Variants in ANP32E observed in about 807,000 individuals in gnomAD.
The protein encoded by ANP32E is acidic leucine-rich nuclear phosphoprotein 32 family member E.
A neutral mutation model predicts 35.3 loss-of-function variants in ANP32E; 14 were observed. The observed-to-expected ratio is 0.40, with a 90% CI of 0.26 to 0.62. The LOEUF (loss-of-function observed/expected upper bound fraction) is 0.62. Ranked by LOEUF, ANP32E falls within the 20% of genes least tolerant of loss-of-function variation. The probability of loss-of-function intolerance (pLI) is 0.45; values close to 1 mark genes in which losing one functional copy is unlikely to be tolerated. For missense variants in ANP32E, 198 were observed against 304.4 expected, an observed-to-expected ratio of 0.65 and a Z score of 2.60; for synonymous variants, 89 against 110.4, an observed-to-expected ratio of 0.81 and a Z score of 1.22.
chr1:150,223,702 C>A (rs1177713640), intron 5 of ANP32E, among the ~76,000 whole-genome samples: 3 of 18,066 alleles, frequency 1.7e-4, no homozygotes, highest in African/African-American at 4.0e-4. Flanking sequence ...AAAAAAAAAA[C>A]CTAAACTAAA....
rs1430281903 is a variant in ANP32E at position 150,218,714 on chromosome 1, C to T, written c.*1977G>A. On this transcript the variant is annotated 3_prime_UTR_variant, in exon 7 of 7. Transcript: ENST00000583931. The stretch of plus-strand genomic sequence containing the variant: ...GAAAACTTCTACAAAATATAAAACC[C>T]ACCCTTACTTATTTGCATGAAAATA... 1.3e-5 allele frequency: 2 copies of T among 152,526 alleles called. No individual in the cohort carries two copies. Among genetic ancestry groups the T allele is most frequent in the Non-Finnish European group, 2.9e-5 (2 of 67,986 alleles). 9.4% of individuals were successfully genotyped at this position (152,526 alleles called of 1,614,324 possible).
chr1:150,226,849 G>A lies in ANP32E; in HGVS notation c.494-54C>T, dbSNP rs1358352928. The A allele has an allele frequency of 1.4e-5, 21 of 1,544,038 alleles. No individual in the cohort carries two copies. The Admixed American group carries it at 4.2e-4, about 31-fold the overall frequency. On this transcript the variant is annotated intron_variant, in intron 4 of 6. Transcript: ENST00000583931. ...ATGACTGGGTAAATGTTTCTTCCTAGGATGTTGATGCTTTTTACCCTTGCC... is the reference window on the plus strand; with the variant it reads ...ATGACTGGGTAAATGTTTCTTCCTAAGATGTTGATGCTTTTTACCCTTGCC...
intron 6 of ANP32E, among the ~76,000 whole-genome samples, chr1:150,221,091 G>A (rs1460348926): frequency 1.8e-5 from 2 of 112,086 alleles, no homozygotes; most frequent in African/African-American, 3.5e-5. Context: ...CTCCAGCCTG[G>A]GCAACCGAGC....
intron 5 of ANP32E, among the ~76,000 whole-genome samples, chr1:150,223,747 A>ATT (rs1437789867): frequency 8.6e-6 from 1 of 116,300 alleles, no homozygotes; most frequent in African/African-American, 3.2e-5. Context: ...CTTTTTATTT[A>ATT]TTTATTTTTT....
intron 1 of ANP32E, among the ~76,000 whole-genome samples, 157 bp from the exon 2 acceptor site, chr1:150,232,083 G>A (rs1553841891): frequency 6.6e-6 from 1 of 152,066 alleles, no homozygotes; most frequent in African/African-American, 2.4e-5. Flanking sequence ...GGTGGCTCAC[G>A]CCTGTAATCC....
At chr1:150,230,329 AT>A (rs1279243597) in intron 3 of ANP32E, among the ~76,000 whole-genome samples, 2 of 152,166 alleles carry the variant, frequency 1.3e-5, no homozygotes, top group African/African-American at 4.8e-5. Flanking sequence ...TTAAAAAAAA[AT>A]ACTGGAAATG....
chr1:150,234,787 G>T, intron 1 of ANP32E: 1 of 514,182 alleles, frequency 1.9e-6, no homozygotes, highest in Non-Finnish European at 2.5e-6. Context: ...GAAGGCAACC[G>T]CGAAAAGGAG....
At chr1:150,225,397 C>T (rs1485403149) in intron 5 of ANP32E, among the ~76,000 whole-genome samples, 2 of 151,960 alleles carry the variant, frequency 1.3e-5, no homozygotes, top group African/African-American at 4.8e-5. Context: ...GGGCCGGGCA[C>T]AGTGGCTCAC....
At position 150,236,051 on chromosome 1, in the gene ANP32E, T is replaced by C. The variant is rs1382333786; in HGVS notation, c.-265A>G. 5.1e-5 allele frequency: 25 copies of C among 488,516 alleles called. No homozygotes were observed. The highest frequency in any genetic ancestry group is 7.5e-5 in the Non-Finnish European group (20 of 268,166). 30.3% of individuals were successfully genotyped at this position (488,516 alleles called of 1,614,324 possible). A position where few individuals can be genotyped will look rare whatever the true frequency, so the allele number is the denominator to read the frequency against. On this transcript the variant is annotated 5_prime_UTR_variant, in exon 1 of 7. An upstream start codon of the reference 5' UTR is lost. Transcript: ENST00000583931. The stretch of plus-strand genomic sequence containing the variant: ...ACACGCACGCACGCGCGCACACACA[T>C]ACACACACACATACACACACACACC...
chr1:150,234,712 G>T (rs781785383), intron 1 of ANP32E: 104 of 979,324 alleles, frequency 1.1e-4, no homozygotes, highest in Non-Finnish European at 1.2e-4. Context: ...ACTCCCCAAG[G>T]AAAAAACGGG....
rs1648121638 is a variant in ANP32E at position 150,218,835 on chromosome 1, G to C, written c.*1856C>G. 1 of 152,582 alleles carries C rather than the reference G, an allele frequency of 6.6e-6. No individual in the cohort carries two copies. The highest frequency in any genetic ancestry group is 2.1e-4 in the South Asian group (1 of 4,826). 9.5% of individuals were successfully genotyped at this position (152,582 alleles called of 1,614,324 possible). A position where few individuals can be genotyped will look rare whatever the true frequency, so the allele number is the denominator to read the frequency against. ...TCTAATTTTGATTGCACAGTAAGAT[G>C]ATTGATAAGAAAGTCAATATATAGA... On this transcript the variant is annotated 3_prime_UTR_variant, in exon 7 of 7. Transcript: ENST00000583931.
chr1:150,230,170 T>C (rs1350491773), intron 3 of ANP32E, among the ~76,000 whole-genome samples: 3 of 152,122 alleles, frequency 2.0e-5, no homozygotes, highest in African/African-American at 7.2e-5. Flanking sequence ...TAAACCACTG[T>C]GCCCAGCCTC....
intron 1 of ANP32E, among the ~76,000 whole-genome samples, chr1:150,233,312 A>G (rs1212368529): frequency 6.6e-6 from 1 of 151,288 alleles, no homozygotes; most frequent in Non-Finnish European, 1.5e-5. Context: ...GAAACTGTTT[A>G]ATCACTTTTT....
At chr1:150,234,231 A>C (rs1406693128) in intron 1 of ANP32E, among the ~76,000 whole-genome samples, 1 of 152,004 alleles carries the variant, frequency 6.6e-6, no homozygotes, top group East Asian at 1.9e-4. Context: ...CAATTTTCCA[A>C]CCCAAGCCAC....
intron 3 of ANP32E, among the ~76,000 whole-genome samples, 153 bp from the exon 4 acceptor site, chr1:150,229,390 C>T (rs1032383153): frequency 2.0e-5 from 3 of 150,964 alleles, no homozygotes; most frequent in Admixed American, 1.3e-4. Flanking sequence ...CTCCGCCTCC[C>T]GGGTTCAAGC....
chr1:150,226,925 A>C (rs1648930165), intron 4 of ANP32E, 130 bp from the exon 5 acceptor site: 2 of 1,251,876 alleles, frequency 1.6e-6, no homozygotes, highest in Non-Finnish European at 2.1e-6. Flanking sequence ...TCACAGCGAT[A>C]CTTTTTTTTT....
intron 4 of ANP32E, among the ~76,000 whole-genome samples, chr1:150,228,194 C>T (rs587753948): frequency 2.0e-5 from 3 of 151,932 alleles, no homozygotes; most frequent in South Asian, 4.2e-4. Context: ...CTGCAACCTT[C>T]GCCTCCCAGG....
At chr1:150,227,211 A>G (rs1347658136) in intron 4 of ANP32E, among the ~76,000 whole-genome samples, 6 of 152,238 alleles carry the variant, frequency 3.9e-5, no homozygotes, top group Admixed American at 3.9e-4. Context: ...GAACTAAAAT[A>G]CAACTACCAT....
chr1:150,229,955 A>G (rs1553841276), intron 3 of ANP32E, among the ~76,000 whole-genome samples: 3 of 152,222 alleles, frequency 2.0e-5, no homozygotes. Context: ...TATATATTTG[A>G]AATTGAGAAT....
Sources: allele counts gnomAD v4.1 joint callset (sites outside exome capture counted in the v4.1 genomes callset), GRCh38; gene constraint gnomAD v4.1.1; transcripts MANE v1.5; gene names NCBI Gene and HGNC (gene_info 2026-07-23, HGNC 2026-07-21).